The following AFF3 variants were observed in gnomAD, a reference collection of about 807,000 sequenced individuals.
AFF3 encodes the protein ALF transcription elongation factor 3, also known as AF4/FMR2 family member 3.
A neutral mutation model predicts 129.7 loss-of-function variants in AFF3; 32 were observed. The observed-to-expected ratio is 0.25, with a 90% CI of 0.19 to 0.33. The LOEUF is 0.33. AFF3 is among the 10% of genes least tolerant of loss of function. AFF3 has a pLI of 1.00. For missense variants in AFF3, 1,373 were observed against 1,592.0 expected (o/e 0.86, Z 2.34); for synonymous variants, 644 against 635.4 (o/e 1.01, Z -0.20).
Position 99,582,933 on chromosome 2 carries a change from T to G in AFF3, c.2658A>C (p.Ala886=), listed in dbSNP as rs1453072618. The G allele has an allele frequency of 6.2e-7, 1 of 1,614,158 alleles. No homozygotes were observed. Among genetic ancestry groups the G allele is most frequent in the East Asian group, 2.2e-5 (1 of 44,882 alleles). Residue 886 remains alanine, a synonymous_variant, in exon 17 of 25, where the codon GCA becomes GCC. Coordinates refer to ENST00000672756, the MANE Select transcript of AFF3 (RefSeq NM_001386135.1). ...CCTCGCTGGTGTATTTGTGTTTAGA[T>G]GCATCAGAGAGGGGTGAGATGGGCG... is the stretch of plus-strand genomic sequence containing the variant. The part of the protein sequence containing the change: ...LRSPISPLSD[A]SKHKYTSEDL...
chr2:99,649,876 C>G (rs141295541), intron 12 of AFF3, among the ~76,000 whole-genome samples: 60 of 152,112 alleles, frequency 3.9e-4, no homozygotes, highest in Non-Finnish European at 1.0e-4. Context: ...AACTGAAGCC[C>G]GGCAATGCAC....
intron 8 of AFF3, among the ~76,000 whole-genome samples, chr2:99,822,725 A>G (rs975770953): frequency 6.6e-6 from 1 of 152,148 alleles, no homozygotes; most frequent in African/African-American, 2.4e-5. Context: ...CATGCTAGGA[A>G]TCTGCTGCTG....
chr2:99,644,797 C>T (rs543259167), intron 13 of AFF3, among the ~76,000 whole-genome samples: 84 of 152,294 alleles, frequency 5.5e-4, no homozygotes, highest in African/African-American at 1.9e-3. Context: ...TTCTTCCTAA[C>T]GGCACTTTGC....
At chr2:99,916,887 G>A (rs983806068) in intron 7 of AFF3, among the ~76,000 whole-genome samples, 1 of 152,094 alleles carries the variant, frequency 6.6e-6, no homozygotes, top group African/African-American at 2.4e-5. Flanking sequence ...CAAAGATGAG[G>A]GGCCTGATGC....
chr2:99,582,074 T>C (rs969295380), intron 17 of AFF3, among the ~76,000 whole-genome samples: 1 of 151,896 alleles, frequency 6.6e-6, no homozygotes, highest in East Asian at 1.9e-4. Flanking sequence ...AGGCTGGTCT[T>C]GAACTCCTGA....
intron 7 of AFF3, among the ~76,000 whole-genome samples, chr2:99,937,630 C>T (rs1295866414): frequency 6.6e-6 from 1 of 152,162 alleles, no homozygotes; most frequent in African/African-American, 2.4e-5. Context: ...AACTCCTGAC[C>T]TTGTGATCCG....
chr2:99,885,067 C>G (rs1008045823), intron 7 of AFF3, among the ~76,000 whole-genome samples: 1 of 152,166 alleles, frequency 6.6e-6, no homozygotes, highest in African/African-American at 2.4e-5. Context: ...GACTCACCAG[C>G]CGTTAATAGC....
chr2:100,002,350 GA>G (rs748548436), intron 7 of AFF3, among the ~76,000 whole-genome samples: 1 of 152,112 alleles, frequency 6.6e-6, no homozygotes, highest in East Asian at 1.9e-4. Flanking sequence ...GTGAACTTTA[GA>G]AAAAATCAGT....
intron 11 of AFF3, among the ~76,000 whole-genome samples, chr2:99,704,930 G>C (rs1160757298): frequency 6.6e-6 from 1 of 152,178 alleles, no homozygotes; most frequent in African/African-American, 2.4e-5. Context: ...CGATCTGGGA[G>C]GCATCTGGAC....
chr2:99,778,023 T>A (rs1438613050), intron 8 of AFF3, among the ~76,000 whole-genome samples: 1 of 147,638 alleles, frequency 6.8e-6, no homozygotes, highest in African/African-American at 2.5e-5. Context: ...GCAATGTGCA[T>A]GTCCATATGG....
At chr2:99,918,448 A>G (rs1164840650) in intron 7 of AFF3, among the ~76,000 whole-genome samples, 1 of 152,202 alleles carries the variant, frequency 6.6e-6, no homozygotes, top group African/African-American at 2.4e-5. Context: ...GCACTCCAGA[A>G]GGCAGAGTAA....
intron 13 of AFF3, among the ~76,000 whole-genome samples, chr2:99,649,355 A>T (rs1460723500): frequency 2.0e-5 from 3 of 152,212 alleles, no homozygotes; most frequent in Non-Finnish European, 4.4e-5. Context: ...TTCAGAATTT[A>T]CCGCACCACT....
At chr2:99,708,409 A>T (rs554252831) in intron 11 of AFF3, among the ~76,000 whole-genome samples, 4 of 152,120 alleles carry the variant, frequency 2.6e-5, no homozygotes, top group African/African-American at 9.7e-5. Context: ...TCACATCCTT[A>T]TATTAAAGAA....
At chr2:99,899,688 C>T (rs1694213964) in intron 7 of AFF3, among the ~76,000 whole-genome samples, 1 of 152,198 alleles carries the variant, frequency 6.6e-6, no homozygotes, top group African/African-American at 2.4e-5. Flanking sequence ...TAGCTACCGA[C>T]ATAGAAACAT....
chr2:99,999,376 T>C (rs1029713206), intron 7 of AFF3, among the ~76,000 whole-genome samples: 3 of 152,238 alleles, frequency 2.0e-5, no homozygotes, highest in Non-Finnish European at 4.4e-5. Flanking sequence ...GAGCACCTTC[T>C]TTCATCCATA....
chr2:99,896,925 G>A (rs1018675518), intron 7 of AFF3, among the ~76,000 whole-genome samples: 5 of 152,074 alleles, frequency 3.3e-5, no homozygotes, highest in East Asian at 1.9e-4. Context: ...ATGAGCCACC[G>A]CGCCCGGCCC....
intron 10 of AFF3, among the ~76,000 whole-genome samples, chr2:99,728,661 G>A (rs1350549064): frequency 6.6e-6 from 1 of 152,078 alleles, no homozygotes; most frequent in Admixed American, 6.6e-5. Context: ...CAGCTATGAG[G>A]GACTTTGGCT....
intron 3 of AFF3, chr2:100,104,780 G>T: frequency 1.1e-6 from 1 of 873,302 alleles, no homozygotes; most frequent in Non-Finnish European, 1.3e-6. Flanking sequence ...CCCTCGCGGC[G>T]GCCCGGCCCG....
intron 2 of AFF3, among the ~76,000 whole-genome samples, chr2:100,107,750 G>A (rs897407937): frequency 1.3e-5 from 2 of 152,126 alleles, no homozygotes; most frequent in African/African-American, 4.8e-5. Flanking sequence ...TGCTCAGTCT[G>A]GGGCCCTACT....
Sources: gnomAD v4.1 joint callset for allele counts (sites outside exome capture counted in the v4.1 genomes callset) on GRCh38, gnomAD v4.1.1 for gene constraint, MANE v1.5 for transcripts, NCBI Gene and HGNC (gene_info 2026-07-23, HGNC 2026-07-21) for gene names.